Variants in RAD18 observed in about 807,000 individuals in gnomAD.
The protein encoded by RAD18 is E3 ubiquitin-protein ligase RAD18.
Under a neutral mutation model 60.4 loss-of-function variants are expected in RAD18, and 47 were observed. The observed-to-expected ratio is 0.78, with a 90% CI of 0.62 to 0.99. RAD18 has a LOEUF of 0.99. Among genes scored for constraint, RAD18 ranks in the 50% least tolerant of loss-of-function variants. The pLI is 0.00. For missense variants in RAD18, 640 were observed against 593.3 expected (o/e 1.08, Z -0.82); for synonymous variants, 225 against 195.5 (o/e 1.15, Z -1.26).
At chr3:8,909,689 G>A (rs1426437812) in intron 9 of RAD18, among the ~76,000 whole-genome samples, 1 of 151,922 alleles carries the variant, frequency 6.6e-6, no homozygotes, top group Non-Finnish European at 1.5e-5. Flanking sequence ...ATAATAAACG[G>A]GTTATTTCCT....
intron 4 of RAD18, among the ~76,000 whole-genome samples, 167 bp from the exon 5 acceptor site, chr3:8,941,971 C>A (rs529504619): frequency 6.6e-5 from 10 of 152,244 alleles, no homozygotes; most frequent in African/African-American, 2.4e-4. Flanking sequence ...AGCAATAAAT[C>A]TAACGTAAAA....
chr3:8,926,990 T>C (rs1398947612), intron 7 of RAD18, among the ~76,000 whole-genome samples: 4 of 152,208 alleles, frequency 2.6e-5, no homozygotes, highest in East Asian at 1.9e-4. Flanking sequence ...ATTCAGGACA[T>C]AGGCATGGGC....
intron 4 of RAD18, among the ~76,000 whole-genome samples, chr3:8,946,758 T>C (rs1455292992): frequency 6.6e-6 from 1 of 152,230 alleles, no homozygotes; most frequent in African/African-American, 2.4e-5. Flanking sequence ...TATGTGTATA[T>C]ACATGAGTTA....
In RAD18 at chr3:8,941,500, G is replaced by T. The variant is rs551688213; in HGVS notation, c.571C>A (p.Pro191Thr). The change falls in exon 5 of 13, where the codon CCC becomes ACC. Residue 191 changes from proline (P) to threonine (T), a missense_variant. Pro to Thr is a conservative substitution (Grantham distance 38). Coordinates refer to ENST00000264926, the MANE Select transcript of RAD18 (RefSeq NM_020165.4). The stretch of plus-strand genomic sequence containing the variant: ...ACTTGTTTCAAAGTGGATGTCGAGG[G>T]TGGCTCAGGACGCTTAGCCTCTGAG... ...DPSEAKRPEP[P>T]STSTLKQVTK... is the part of the protein sequence containing the mutation. The T allele has an allele frequency of 6.2e-7, 1 of 1,612,242 alleles. No homozygotes were observed. Among genetic ancestry groups the T allele is most frequent in the South Asian group, 1.1e-5 (1 of 90,970 alleles).
At chr3:8,914,062 G>A (rs1210058222) in intron 7 of RAD18, among the ~76,000 whole-genome samples, 1 of 152,074 alleles carries the variant, frequency 6.6e-6, no homozygotes, top group Non-Finnish European at 1.5e-5. Context: ...CAATTATTAG[G>A]GGATGTCTGC....
rs1939440952 is a variant in RAD18, at chr3:8,880,608, T to C, written c.*749A>G. 1 of 152,216 alleles carries C rather than the reference T, an allele frequency of 6.6e-6. No individual in the cohort carries two copies. Among genetic ancestry groups the C allele is most frequent in the Non-Finnish European group, 1.5e-5 (1 of 68,024 alleles). The allele number at this position is 152,216 out of a possible 1,614,324, so 9.4% of individuals were successfully genotyped here. A position where few individuals can be genotyped will look rare whatever the true frequency, so the allele number is the denominator to read the frequency against. On this transcript the variant is annotated 3_prime_UTR_variant, in exon 13 of 13. Coordinates refer to ENST00000264926, the MANE Select transcript of RAD18 (RefSeq NM_020165.4). ...ACAAAATTCATTCATTGCATACTTT[T>C]TGTTTAATAGCTTGGATTCAGTGTT...
chr3:8,942,624 G>C (rs1223864884), intron 4 of RAD18, among the ~76,000 whole-genome samples: 1 of 152,150 alleles, frequency 6.6e-6, no homozygotes, highest in Non-Finnish European at 1.5e-5. Context: ...TACCCTGGGA[G>C]CATTTTCTAG....
chr3:8,897,692 G>T (rs557912230), intron 11 of RAD18, among the ~76,000 whole-genome samples: 25 of 152,236 alleles, frequency 1.6e-4, no homozygotes, highest in Admixed American at 3.3e-4. Flanking sequence ...AATAACACTG[G>T]CAATAAGCAA....
intron 11 of RAD18, among the ~76,000 whole-genome samples, chr3:8,891,072 TAAA>T (rs1210919608): frequency 3.6e-4 from 13 of 36,598 alleles, no homozygotes; most frequent in African/African-American, 1.6e-3. Flanking sequence ...CATATATATA[TAAA>T]ATATATATAT....
In RAD18 at chr3:8,933,614, A is replaced by G. The variant is rs45475598; in HGVS notation, c.889+2257T>C. 7.4e-3 allele frequency among the ~76,000 whole-genome samples: 1,131 copies of G among 152,316 alleles called. 17 individuals are homozygous for G. The highest frequency in any genetic ancestry group is 0.026 in the African/African-American group (1,066 of 41,564). The stretch of plus-strand genomic sequence containing the variant: ...AAAACATCGTGTACCACTGCATCAA[A>G]AATATCAGAGAATAACTCTTTAAAA... On this transcript the variant is annotated intron_variant, in intron 7 of 12. Transcript: ENST00000264926.
intron 4 of RAD18, among the ~76,000 whole-genome samples, chr3:8,946,021 G>C (rs74942746): frequency 6.6e-6 from 1 of 151,272 alleles, no homozygotes; most frequent in Non-Finnish European, 1.5e-5. Context: ...TGTAGTCTAA[G>C]TGTACAGTGT....
At chr3:8,931,175 CAAGT>C (rs1340836983) in intron 7 of RAD18, among the ~76,000 whole-genome samples, 9 of 151,864 alleles carry the variant, frequency 5.9e-5, no homozygotes, top group African/African-American at 2.2e-4. Context: ...TAATAGTATA[CAAGT>C]AAATATACAA....
At chr3:8,895,454 C>T (rs962927880) in intron 11 of RAD18, among the ~76,000 whole-genome samples, 3 of 152,150 alleles carry the variant, frequency 2.0e-5, no homozygotes, top group Admixed American at 2.0e-4. Context: ...GAAACATAAA[C>T]ACTTACTTAG....
intron 5 of RAD18, 56 bp downstream of exon 5, chr3:8,941,411 T>C (rs1940743732): frequency 7.1e-7 from 1 of 1,411,036 alleles, no homozygotes; most frequent in Non-Finnish European, 9.7e-7. Flanking sequence ...TATTTATTCT[T>C]ATGTCATGTG....
intron 2 of RAD18, among the ~76,000 whole-genome samples, chr3:8,949,864 T>C (rs193053157): frequency 1.3e-5 from 2 of 152,310 alleles, no homozygotes; most frequent in East Asian, 3.9e-4. Context: ...ACCCTGTCAT[T>C]GCAGGCATGG....
At position 8,963,413 on chromosome 3, in the gene RAD18, G is replaced by C. The variant is rs756351366; in HGVS notation, c.-28C>G. On this transcript the variant is annotated 5_prime_UTR_variant, in exon 1 of 13. Transcript: ENST00000264926. ...TCGCTCCCGAGGATGCTGGGGGTCA[G>C]CCACCCACTAGCCTCCGGCGCTCCA... 3 of 1,574,902 alleles carry C rather than the reference G, an allele frequency of 1.9e-6. No homozygotes were observed. Among genetic ancestry groups the C allele is most frequent in the Middle Eastern group, 3.4e-4 (2 of 5,962 alleles).
In RAD18 at chr3:8,881,119, T is replaced by C. The variant is rs9869836; in HGVS notation, c.*238A>G. ...ACCTCCTCTGCAAAGCTGGTACCTG[T>C]GTGAAATGTCAGTATTTTTAGAGAG... On this transcript the variant is annotated 3_prime_UTR_variant, in exon 13 of 13. Coordinates refer to ENST00000264926, the MANE Select transcript of RAD18 (RefSeq NM_020165.4). The C allele has an allele frequency of 3.9e-4, 171 of 439,222 alleles. No individual in the cohort carries two copies. The highest frequency in any genetic ancestry group is 3.3e-3 in the African/African-American group (164 of 49,030). The allele number at this position is 439,222 out of a possible 1,614,324, so 27.2% of individuals were successfully genotyped here.
intron 4 of RAD18, 132 bp from the exon 5 acceptor site, chr3:8,941,936 C>A: frequency 1.2e-6 from 1 of 801,906 alleles, no homozygotes; most frequent in Non-Finnish European, 1.9e-6. Context: ...ACAACCAAAC[C>A]AAAGTTTCTT....
intron 7 of RAD18, among the ~76,000 whole-genome samples, chr3:8,914,934 C>T (rs571946505): frequency 1.3e-5 from 2 of 152,016 alleles, no homozygotes; most frequent in South Asian, 2.1e-4. Context: ...GTCAGGAGAT[C>T]GAGACCATCC....
Sources: allele counts gnomAD v4.1 joint callset (sites outside exome capture counted in the v4.1 genomes callset), GRCh38; gene constraint gnomAD v4.1.1; transcripts MANE v1.5; gene names NCBI Gene and HGNC (gene_info 2026-07-23, HGNC 2026-07-21).